The following SH3KBP1 variants were observed in gnomAD, a reference collection of about 807,000 sequenced individuals.
SH3KBP1 encodes SH3 domain-containing kinase-binding protein 1.
In SH3KBP1, 8 loss-of-function variants were observed where a neutral mutation model predicts 50.1. The ratio of observed to expected loss-of-function variants is 0.16; its 90% CI spans 0.09 to 0.29. SH3KBP1 has a LOEUF of 0.29. SH3KBP1 is among the 10% of genes least tolerant of loss of function. SH3KBP1 has a pLI of 1.00. For synonymous variants in SH3KBP1, 227 were observed against 218.6 expected (o/e 1.04, Z -0.34); for missense variants, 377 against 535.2 (o/e 0.70, Z 2.92).
chrX:19,681,763 T>TG (rs1378187418), intron 6 of SH3KBP1, among the ~76,000 whole-genome samples: 2 of 111,257 alleles, frequency 1.8e-5, no homozygotes, highest in Non-Finnish European at 3.8e-5. Flanking sequence ...GGGAGAGCAG[T>TG]GGGGGAGGAA....
At chrX:19,582,105 G>C (rs1441857065) in intron 12 of SH3KBP1, among the ~76,000 whole-genome samples, 1 of 112,032 alleles carries the variant, frequency 8.9e-6, no homozygotes, top group Non-Finnish European at 1.9e-5. Flanking sequence ...CACATGTAAA[G>C]TCAATGGACA....
At chrX:19,681,557 G>T (rs1402506911) in intron 6 of SH3KBP1, among the ~76,000 whole-genome samples, 10 of 112,109 alleles carry the variant, frequency 8.9e-5, no homozygotes, top group African/African-American at 3.2e-4. Context: ...GTGCCACAGA[G>T]AACAAAATAT....
intron 6 of SH3KBP1, among the ~76,000 whole-genome samples, chrX:19,654,461 C>T (rs1217736166): frequency 2.7e-5 from 3 of 111,439 alleles, no homozygotes; most frequent in Non-Finnish European, 5.7e-5. Flanking sequence ...GCCCTCTAAA[C>T]GTCTGACAGT....
At chrX:19,554,494 C>A (rs939300875) in intron 13 of SH3KBP1, among the ~76,000 whole-genome samples, 2 of 106,016 alleles carry the variant, frequency 1.9e-5, no homozygotes, top group African/African-American at 6.9e-5. Context: ...CTCTGCCTCC[C>A]GGGTTCAAGC....
intron 1 of SH3KBP1, among the ~76,000 whole-genome samples, chrX:19,850,248 G>A (rs2068470004): frequency 9.0e-6 from 1 of 110,660 alleles, no homozygotes; most frequent in African/African-American, 3.3e-5. Context: ...GCAGAGGTGC[G>A]ATCTCAGCTC....
At chrX:19,885,539 A>G (rs1311035948) in intron 1 of SH3KBP1, among the ~76,000 whole-genome samples, 2 of 111,862 alleles carry the variant, frequency 1.8e-5, no homozygotes, top group African/African-American at 6.5e-5. Context: ...TGAAGAATGA[A>G]AACAGTTCAA....
chrX:19,836,114 T>A lies in SH3KBP1; in HGVS notation c.162+11A>T. On this transcript the variant is annotated intron_variant, in intron 2 of 17. Coordinates refer to ENST00000397821, the MANE Select transcript of SH3KBP1 (RefSeq NM_031892.3). The stretch of plus-strand genomic sequence containing the variant: ...ACAGGAGACAGGAAAAGGGTTTTGC[T>A]TTGTACTCACTCTTACAAAGTTGTC... 2.5e-6 allele frequency: 3 copies of A among 1,209,826 alleles called. No homozygotes were observed. Among genetic ancestry groups the A allele is most frequent in the Non-Finnish European group, 3.4e-6 (3 of 894,350 alleles).
chrX:19,634,110 AAGAG>A (rs1402082186), intron 7 of SH3KBP1, among the ~76,000 whole-genome samples: 9 of 38,433 alleles, frequency 2.3e-4, no homozygotes, highest in African/African-American at 3.9e-4. Flanking sequence ...GAGGGAAAGA[AAGAG>A]AGAGAGACGG....
intron 8 of SH3KBP1, among the ~76,000 whole-genome samples, chrX:19,611,494 C>T (rs969770045): frequency 6.3e-5 from 7 of 111,867 alleles, no homozygotes; most frequent in Non-Finnish European, 1.3e-4. Context: ...GCTGGGATTA[C>T]AGGCATGTAC....
At position 19,622,278 on chromosome X, in the gene SH3KBP1, G is replaced by A. The variant is rs2067862683; in HGVS notation, c.897+9586C>T. On this transcript the variant is annotated intron_variant, in intron 8 of 17. Transcript: ENST00000397821. ...AATCATTTTTTAAAATGCAGAATTA[G>A]CAGAGCCCAAATCACATTAGCAGAG... is the stretch of plus-strand genomic sequence containing the variant. Among the ~76,000 whole-genome samples the A allele has an allele frequency of 3.6e-5, 4 of 112,167 alleles. No homozygotes were observed. The Admixed American group carries it at 3.8e-4, about 11-fold the overall frequency.
At chrX:19,595,968 T>C (rs2066895123) in intron 9 of SH3KBP1, among the ~76,000 whole-genome samples, 1 of 112,320 alleles carries the variant, frequency 8.9e-6, no homozygotes, top group Non-Finnish European at 1.9e-5. Flanking sequence ...AAGGGCCACC[T>C]GCCCTTACAC....
intron 1 of SH3KBP1, among the ~76,000 whole-genome samples, chrX:19,843,904 C>T (rs1008876707): frequency 6.3e-5 from 7 of 111,662 alleles, no homozygotes; most frequent in African/African-American, 2.0e-4. Flanking sequence ...CTGCTTTCCA[C>T]GAAGGCCCAA....
chrX:19,550,193 C>G, intron 13 of SH3KBP1, 110 bp from the exon 14 acceptor site: 1 of 524,674 alleles, frequency 1.9e-6, no homozygotes, highest in Non-Finnish European at 3.2e-6. Flanking sequence ...CTGGATTACA[C>G]TTCATCTTTT....
At chrX:19,791,182 C>A (rs931130583) in intron 2 of SH3KBP1, among the ~76,000 whole-genome samples, 2 of 110,990 alleles carry the variant, frequency 1.8e-5, no homozygotes, top group Non-Finnish European at 3.8e-5. Context: ...ATAATTTATG[C>A]CAGGCATGAA....
chrX:19,817,971 A>ATTGTG (rs1416396506), intron 2 of SH3KBP1, among the ~76,000 whole-genome samples: 11 of 111,915 alleles, frequency 9.8e-5, no homozygotes, highest in Non-Finnish European at 1.9e-4. Context: ...ACTACTTACC[A>ATTGTG]TTGTGTCGTA....
At chrX:19,687,897 C>T (rs757520381) in intron 5 of SH3KBP1, among the ~76,000 whole-genome samples, 1 of 112,357 alleles carries the variant, frequency 8.9e-6, no homozygotes, top group South Asian at 3.7e-4. Context: ...AGTCCCCATG[C>T]AACCAGTATG....
chrX:19,819,321 C>T (rs1466401937), intron 2 of SH3KBP1, among the ~76,000 whole-genome samples: 1 of 111,084 alleles, frequency 9.0e-6, no homozygotes, highest in African/African-American at 3.3e-5. Flanking sequence ...GAGGTTTACC[C>T]ATTTTATTGA....
chrX:19,684,750 C>T (rs923351128), intron 5 of SH3KBP1, among the ~76,000 whole-genome samples: 1 of 112,083 alleles, frequency 8.9e-6, no homozygotes, highest in Non-Finnish European at 1.9e-5. Context: ...CTTTAAACAC[C>T]AGTGTTTTCC....
intron 8 of SH3KBP1, among the ~76,000 whole-genome samples, chrX:19,612,977 A>T (rs1217224337): frequency 5.3e-5 from 6 of 112,258 alleles, no homozygotes; most frequent in Non-Finnish European, 9.4e-5. Flanking sequence ...TACAGGAATT[A>T]GAGCTTGGAA....
Sources: allele counts gnomAD v4.1 joint callset (sites outside exome capture counted in the v4.1 genomes callset), GRCh38; gene constraint gnomAD v4.1.1; transcripts MANE v1.5; gene names NCBI Gene and HGNC (gene_info 2026-07-23, HGNC 2026-07-21).